Variants in PTPRD observed in about 807,000 individuals in gnomAD.
PTPRD encodes the protein protein tyrosine phosphatase receptor type D.
In PTPRD, 34 loss-of-function variants were observed where a neutral mutation model predicts 214.5. That is an observed-to-expected ratio of 0.16 (90% CI 0.12 to 0.21). The LOEUF (loss-of-function observed/expected upper bound fraction) is 0.21. PTPRD is among the 10% of genes least tolerant of loss of function. The probability of loss-of-function intolerance (pLI) is 1.00; values close to 1 mark genes in which losing one functional copy is unlikely to be tolerated. For synonymous variants in PTPRD, 1,128 were observed against 845.7 expected, an observed-to-expected ratio of 1.33 and a Z score of -5.79; for missense variants, 2,545 against 2,398.7, an observed-to-expected ratio of 1.06 and a Z score of -1.27.
At chr9:9,886,840 C>T (rs555466969) in intron 5 of PTPRD, among the ~76,000 whole-genome samples, 7 of 152,140 alleles carry the variant, frequency 4.6e-5, no homozygotes, top group Non-Finnish European at 7.4e-5. Context: ...CAAATTAACC[C>T]ACGTGGAGAG....
At chr9:8,896,783 C>A (rs1041575891) in intron 11 of PTPRD, among the ~76,000 whole-genome samples, 4 of 152,092 alleles carry the variant, frequency 2.6e-5, no homozygotes, top group Admixed American at 1.3e-4. Flanking sequence ...TTCCCACAGG[C>A]ACATAAAACA....
rs1348950329 is a variant in PTPRD at position 8,485,823 on chromosome 9, C to G, written c.2994G>C (p.Thr998=). 1.2e-6 allele frequency: 2 copies of G among 1,614,022 alleles called. No individual in the cohort carries two copies. The highest frequency in any genetic ancestry group is 1.7e-6 in the Non-Finnish European group (2 of 1,180,014). ...TTYDVKVRAH[T]SKGPGPYSPS... ...GACTATATGGCCCGGGCCCTTTGCTCGTATGAGCACGTACTTTTACATCGT... is the reference window on the plus strand; with the variant it reads ...GACTATATGGCCCGGGCCCTTTGCTGGTATGAGCACGTACTTTTACATCGT... Residue 998 remains threonine, a synonymous_variant, in exon 28 of 46, where the codon ACG becomes ACC. Coordinates refer to ENST00000381196, the MANE Select transcript of PTPRD (RefSeq NM_002839.4).
chr9:8,788,566 C>T (rs544539649), intron 11 of PTPRD, among the ~76,000 whole-genome samples: 51 of 152,214 alleles, frequency 3.4e-4, no homozygotes, highest in African/African-American at 1.1e-3. Context: ...TGAGCCACTG[C>T]GCCCGGCCAA....
At chr9:8,614,168 C>T (rs563552495) in intron 14 of PTPRD, among the ~76,000 whole-genome samples, 2 of 152,216 alleles carry the variant, frequency 1.3e-5, no homozygotes, top group East Asian at 3.9e-4. Context: ...TGGTATTACA[C>T]TGAGCTTTTT....
chr9:9,947,926 A>T (rs987676968), intron 4 of PTPRD, among the ~76,000 whole-genome samples: 1 of 151,894 alleles, frequency 6.6e-6, no homozygotes, highest in South Asian at 2.1e-4. Context: ...GGAGCAGATC[A>T]GTAGGGAACT....
rs143139832 is a variant in PTPRD, at chr9:8,602,015, G to A, written c.352+31302C>T. ...ACTGCAAGGACAGAAAAGGGTAGAA[G>A]ATATCAGATCTCCATCTCTACACTC... On this transcript the variant is annotated intron_variant, in intron 14 of 45. Transcript: ENST00000381196. Among the ~76,000 whole-genome samples, 4 of 152,086 alleles carry A rather than the reference G, an allele frequency of 2.6e-5. No individual in the cohort carries two copies. In the East Asian group the frequency reaches 7.8e-4, roughly 30 times the overall value.
intron 10 of PTPRD, among the ~76,000 whole-genome samples, chr9:9,153,428 T>C (rs939143958): frequency 2.6e-4 from 39 of 152,144 alleles, no homozygotes; most frequent in African/African-American, 8.9e-4. Context: ...AGGTGATAAA[T>C]AACATATTTT....
chr9:8,399,523 G>C (rs545811910), intron 36 of PTPRD, among the ~76,000 whole-genome samples: 2 of 152,022 alleles, frequency 1.3e-5, no homozygotes, highest in Admixed American at 6.6e-5. Flanking sequence ...TCTTTATTCA[G>C]TATATTTCCC....
At chr9:9,300,537 G>GT (rs1234451224) in intron 9 of PTPRD, among the ~76,000 whole-genome samples, 1 of 151,740 alleles carries the variant, frequency 6.6e-6, no homozygotes, top group African/African-American at 2.4e-5. Context: ...CTCCAAATGT[G>GT]TTGGTAGTAG....
At chr9:9,435,907 G>T (rs931827783) in intron 8 of PTPRD, among the ~76,000 whole-genome samples, 1 of 152,014 alleles carries the variant, frequency 6.6e-6, no homozygotes, top group Admixed American at 6.6e-5. Flanking sequence ...TCAGATGTCT[G>T]GCACAAAAAG....
chr9:9,162,192 TA>T (rs746193572), intron 10 of PTPRD, among the ~76,000 whole-genome samples: 126 of 152,256 alleles, frequency 8.3e-4, no homozygotes, highest in Middle Eastern at 3.4e-3. Context: ...TAAACTTTGC[TA>T]AACACTGCTA....
intron 2 of PTPRD, among the ~76,000 whole-genome samples, chr9:10,346,070 G>A (rs2097075229): frequency 6.6e-6 from 1 of 152,184 alleles, no homozygotes; most frequent in African/African-American, 2.4e-5. Flanking sequence ...TGGAATTTAA[G>A]CAATTATATT....
chr9:9,178,115 T>G (rs1569559137), intron 10 of PTPRD, among the ~76,000 whole-genome samples: 1 of 152,044 alleles, frequency 6.6e-6, no homozygotes, highest in Non-Finnish European at 1.5e-5. Flanking sequence ...AGGAAGACTT[T>G]TCTTGTAAAT....
intron 11 of PTPRD, among the ~76,000 whole-genome samples, chr9:8,948,505 TTATATATATATATTTA>T (rs2099082784): frequency 1.5e-4 from 2 of 13,060 alleles, no homozygotes; most frequent in African/African-American, 1.9e-4. Context: ...ATATATATAT[TTATATATATATATTTA>T]TATATATATT....
At chr9:10,087,463 C>A (rs1284326879) in intron 3 of PTPRD, among the ~76,000 whole-genome samples, 1 of 151,614 alleles carries the variant, frequency 6.6e-6, no homozygotes, top group Non-Finnish European at 1.5e-5. Context: ...CAATATTGAT[C>A]CTTCAGAGTG....
chr9:8,482,281 C>CTT lies in PTPRD; in HGVS notation c.3413+1837_3413+1838insAA, dbSNP rs1565166421. Among the ~76,000 whole-genome samples, 437 of 151,862 alleles carry CTT rather than the reference C, an allele frequency of 2.9e-3. 2 individuals carry two copies. Among genetic ancestry groups the CTT allele is most frequent in the African/African-American group, 9.5e-3 (394 of 41,388 alleles). On this transcript the variant is annotated intron_variant, in intron 30 of 45. Coordinates refer to ENST00000381196, the MANE Select transcript of PTPRD (RefSeq NM_002839.4). ...TTGATCTCATCATTAAAGCAGCTAC[C>CTT]AATAATGTATGCTGTACTACTACTC...
chr9:9,430,538 A>C (rs988770057), intron 8 of PTPRD, among the ~76,000 whole-genome samples: 9 of 152,212 alleles, frequency 5.9e-5, no homozygotes, highest in Non-Finnish European at 8.8e-5. Context: ...TCTTCACAGA[A>C]TTGGAAAAAA....
intron 5 of PTPRD, among the ~76,000 whole-genome samples, chr9:9,814,214 G>A (rs1363302043): frequency 6.6e-6 from 1 of 151,402 alleles, no homozygotes; most frequent in African/African-American, 2.4e-5. Context: ...AAGTTGAAAG[G>A]TTTTCTTTTA....
intron 27 of PTPRD, among the ~76,000 whole-genome samples, chr9:8,489,115 T>C (rs1037974201): frequency 6.6e-6 from 1 of 152,216 alleles, no homozygotes; most frequent in African/African-American, 2.4e-5. Flanking sequence ...GTAACTGATG[T>C]TTCACTTTAT....
Sources: gnomAD v4.1 joint callset for allele counts (sites outside exome capture counted in the v4.1 genomes callset) on GRCh38, gnomAD v4.1.1 for gene constraint, MANE v1.5 for transcripts, NCBI Gene and HGNC (gene_info 2026-07-23, HGNC 2026-07-21) for gene names.